IKBKB: variants seen among roughly 807,000 people sequenced by gnomAD.
IKBKB encodes the protein inhibitor of nuclear factor kappa-B kinase subunit beta.
Under a neutral mutation model 113.6 loss-of-function variants are expected in IKBKB, and 42 were observed. That is an observed-to-expected ratio of 0.37 (90% confidence interval 0.29 to 0.48). The LOEUF (loss-of-function observed/expected upper bound fraction) is 0.48, where lower values mean the gene tolerates loss of function less well. Ranked by LOEUF, IKBKB falls within the 20% of genes least tolerant of loss-of-function variation. IKBKB has a pLI of 0.99. For synonymous variants in IKBKB, 296 were observed against 361.3 expected (o/e 0.82, Z 2.05); for missense variants, 673 against 939.7 (o/e 0.72, Z 3.71).
intron 2 of IKBKB, among the ~76,000 whole-genome samples, chr8:42,283,126 G>A (rs903464390): frequency 3.9e-5 from 6 of 152,178 alleles, no homozygotes; most frequent in Admixed American, 1.3e-4. Context: ...CTGATTCTGG[G>A]TTGGGCCAAG....
intron 19 of IKBKB, among the ~76,000 whole-genome samples, chr8:42,324,371 T>G (rs1335850443): frequency 6.6e-6 from 1 of 152,166 alleles, no homozygotes; most frequent in Non-Finnish European, 1.5e-5. Context: ...TTCAAGTGAT[T>G]CTCCTGCCTC....
chr8:42,275,965 C>T (rs1047500932), intron 2 of IKBKB, among the ~76,000 whole-genome samples: 1 of 152,158 alleles, frequency 6.6e-6, no homozygotes, highest in Non-Finnish European at 1.5e-5. Context: ...CTTCAGCCTC[C>T]AAGTAGCTGG....
At chr8:42,289,150 G>A (rs1427020401) in intron 3 of IKBKB, among the ~76,000 whole-genome samples, 1 of 152,168 alleles carries the variant, frequency 6.6e-6, no homozygotes, top group African/African-American at 2.4e-5. Flanking sequence ...AGGAGGCGGA[G>A]CTTGCAGTGA....
chr8:42,317,883 T>C (rs771848014), intron 12 of IKBKB, 112 bp downstream of exon 12: 90 of 754,188 alleles, frequency 1.2e-4, no homozygotes, highest in Non-Finnish European at 2.0e-4. Context: ...GAAATTAATA[T>C]CGCCAGTCCT....
intron 5 of IKBKB, among the ~76,000 whole-genome samples, chr8:42,297,756 G>A (rs930723815): frequency 4.6e-5 from 7 of 152,096 alleles, no homozygotes; most frequent in African/African-American, 1.4e-4. Context: ...TTATCTGGGC[G>A]TGGTGGCGTG....
Position 42,322,410 on chromosome 8 carries a change from C to T in IKBKB, c.1902C>T (p.Ser634=), listed in dbSNP as rs1214645197. Residue 634 remains serine (S), a synonymous_variant, in exon 19 of 22, where the codon AGC becomes AGT. Coordinates refer to ENST00000520810, the MANE Select transcript of IKBKB (RefSeq NM_001556.3). ...TGCCCAAGGTGGAAGAGGTGGTGAG[C>T]TTAATGAATGAGGATGAGAAGACTG... ...ELLPKVEEVV[S]LMNEDEKTVV... 13 of 1,613,824 alleles carry T rather than the reference C, an allele frequency of 8.1e-6. No homozygotes were observed. Among genetic ancestry groups the T allele is most frequent in the Non-Finnish European group, 1.0e-5 (12 of 1,180,012 alleles).
intron 5 of IKBKB, among the ~76,000 whole-genome samples, chr8:42,302,363 G>T (rs1221756253): frequency 1.3e-5 from 2 of 152,244 alleles, no homozygotes; most frequent in Admixed American, 6.5e-5. Flanking sequence ...ACATTAATTG[G>T]ACCTAAGCTG....
intron 7 of IKBKB, among the ~76,000 whole-genome samples, chr8:42,307,664 G>A (rs977700414): frequency 2.0e-5 from 3 of 152,168 alleles, no homozygotes; most frequent in Admixed American, 6.5e-5. Flanking sequence ...TGATTCAGGC[G>A]CCTGTGTCCA....
intron 5 of IKBKB, 23 bp from the exon 6 acceptor site, chr8:42,305,164 A>G: frequency 6.3e-7 from 1 of 1,575,310 alleles, no homozygotes; most frequent in Non-Finnish European, 8.7e-7. Context: ...GGCCTAAGAA[A>G]AACTCACCCC....
chr8:42,330,631 C>T (rs992884595), intron 21 of IKBKB, among the ~76,000 whole-genome samples: 9 of 152,220 alleles, frequency 5.9e-5, no homozygotes, highest in African/African-American at 2.2e-4. Flanking sequence ...CTGCCTCAGC[C>T]TCCTGAGTAG....
At chr8:42,308,741 A>T (rs2130560441) in intron 7 of IKBKB, among the ~76,000 whole-genome samples, 160 bp from the exon 8 acceptor site, 1 of 152,252 alleles carries the variant, frequency 6.6e-6, no homozygotes, top group African/African-American at 2.4e-5. Context: ...AGCATGATAT[A>T]CCCGCTAAAC....
rs112261302 is a variant in IKBKB, at chr8:42,283,720, AGT to A, written c.106-4909_106-4908del. ...AGCAGATAGAACTGCAAGGAAATAA[AGT>A]GTGTTATTTTAAGCCACCAAGTTTG... On this transcript the variant is annotated intron_variant, in intron 2 of 21. Coordinates refer to ENST00000520810, the MANE Select transcript of IKBKB (RefSeq NM_001556.3). Among the ~76,000 whole-genome samples, 68 of 152,350 alleles carry A rather than the reference AGT, an allele frequency of 4.5e-4. 2 individuals carry two copies. The highest frequency in any genetic ancestry group is 1.5e-3 in the African/African-American group (61 of 41,582).
chr8:42,288,396 A>G (rs1274273306), intron 2 of IKBKB, among the ~76,000 whole-genome samples: 1 of 151,830 alleles, frequency 6.6e-6, no homozygotes, highest in Non-Finnish European at 1.5e-5. Flanking sequence ...CAAACAAAAA[A>G]AAAAAAAGAG....
At chr8:42,321,593 C>T (rs892092806) in intron 16 of IKBKB, 4 of 309,362 alleles carry the variant, frequency 1.3e-5, no homozygotes, top group East Asian at 5.9e-5. Flanking sequence ...ACAATCATAG[C>T]TCACTGCAGC....
Position 42,319,275 on chromosome 8 carries a change from A to G in IKBKB, c.1370A>G (p.Asn457Ser), listed in dbSNP as rs1006258727. 9 of 1,614,032 alleles carry G rather than the reference A, an allele frequency of 5.6e-6. No individual in the cohort carries two copies. Among genetic ancestry groups the G allele is most frequent in the Non-Finnish European group, 7.6e-6 (9 of 1,179,982 alleles). ...GTTCCTTGTGGTCCCTGCAGGATGAATCTCCTCCGAAACAACAGCTGCCTC... is the reference window on the plus strand; with the variant it reads ...GTTCCTTGTGGTCCCTGCAGGATGAGTCTCCTCCGAAACAACAGCTGCCTC... ...LQQGQRAAMM[N>S]LLRNNSCLSK... The change falls in exon 14 of 22, where the codon AAT becomes AGT. Residue 457 changes from asparagine to serine, a missense_variant. Around this residue, in one of 2 missense-constraint regions of IKBKB, gnomAD observed 506 missense variants for 638.7 expected, o/e 0.79. Transcript: ENST00000520810.
At chr8:42,289,371 T>A (rs1812093248) in intron 3 of IKBKB, among the ~76,000 whole-genome samples, 1 of 152,194 alleles carries the variant, frequency 6.6e-6, no homozygotes, top group African/African-American at 2.4e-5. Flanking sequence ...TTCATTGTAT[T>A]AAATAAGTTA....
intron 19 of IKBKB, chr8:42,325,392 A>T: frequency 1.0e-6 from 1 of 986,026 alleles, no homozygotes; most frequent in Non-Finnish European, 1.2e-6. Context: ...TTTTCTTGTA[A>T]AAGTTCATTA....
rs201869683 is a variant in IKBKB, at chr8:42,330,936, A to T, written c.2228A>T (p.Gln743Leu). The T allele has an allele frequency of 8.1e-6, 13 of 1,614,108 alleles. No homozygotes were observed. The highest frequency in any genetic ancestry group is 1.3e-5 in the African/African-American group (1 of 74,928). The change falls in exon 22 of 22, where the codon CAG (glutamine) becomes CTG (leucine). Residue 743 changes from glutamine to leucine, a missense_variant. Physicochemically the swap from Gln to Leu is moderately radical, Grantham distance 113 (BLOSUM62 -2). This residue lies in a region of IKBKB where 506 missense variants were observed against 638.7 expected (regional missense o/e 0.79). Transcript: ENST00000520810. ...CAGGCCCTAGACTGGAGCTGGTTAC[A>T]GACGGAAGAAGAAGAGCACAGCTGC... ...SFTALDWSWL[Q>L]TEEEEHSCLE...
At chr8:42,289,405 C>G (rs916188539) in intron 3 of IKBKB, among the ~76,000 whole-genome samples, 1 of 152,164 alleles carries the variant, frequency 6.6e-6, no homozygotes. Context: ...AGTGACTTTT[C>G]TTTTGTCAGC....
Sources: gnomAD v4.1 joint callset for allele counts (sites outside exome capture counted in the v4.1 genomes callset) on GRCh38, gnomAD v4.1.1 for gene constraint, gnomAD v4.1.1 regional missense constraint, MANE v1.5 for transcripts, NCBI Gene and HGNC (gene_info 2026-07-23, HGNC 2026-07-21) for gene names.